Variants in CCDC77 observed in about 807,000 individuals in gnomAD.
The protein encoded by CCDC77 is coiled-coil domain containing 77.
A neutral mutation model predicts 66.8 loss-of-function variants in CCDC77; 56 were observed. The ratio of observed to expected loss-of-function variants is 0.84; its 90% CI spans 0.68 to 1.05. CCDC77 has a LOEUF of 1.05. Among genes scored for constraint, CCDC77 ranks in the 50% least tolerant of loss-of-function variants. The pLI, the probability that CCDC77 is intolerant of heterozygous loss-of-function variation, is 0.00. For synonymous variants in CCDC77, 196 were observed against 195.2 expected (o/e 1.00, Z -0.03); for missense variants, 570 against 576.8 (o/e 0.99, Z 0.12).
At chr12:405,456 T>A (rs539045083) in intron 1 of CCDC77, 55 bp from the exon 2 acceptor site, 15 of 152,330 alleles carry the variant, frequency 9.8e-5, no homozygotes, top group African/African-American at 2.4e-4. Context: ...GCTGCTTTTT[T>A]AAAAAAATGT....
At chr12:418,909 C>T (rs974996157) in intron 5 of CCDC77, 8 of 336,498 alleles carry the variant, frequency 2.4e-5, no homozygotes, top group Admixed American at 1.8e-4. Flanking sequence ...CTGTCAGCCA[C>T]GCTGGTCTCG....
At chr12:416,337 GT>G in intron 4 of CCDC77, among the ~76,000 whole-genome samples, 1 of 45,190 alleles carries the variant, frequency 2.2e-5, no homozygotes, top group Non-Finnish European at 4.0e-5. Flanking sequence ...GTCTGTGGGT[GT>G]GTGGGGGTGT....
chr12:423,474 TTTG>T (rs1304568157), intron 5 of CCDC77, among the ~76,000 whole-genome samples: 26 of 31,296 alleles, frequency 8.3e-4, no homozygotes, highest in African/African-American at 3.5e-3. Flanking sequence ...TTTTGTGTTT[TTTG>T]TGTTTTTTTT....
chr12:425,106 T>C (rs990475823), intron 5 of CCDC77, among the ~76,000 whole-genome samples: 3 of 151,580 alleles, frequency 2.0e-5, no homozygotes, highest in Non-Finnish European at 2.9e-5. Context: ...AATTTTTGTA[T>C]TTTTTGTAGA....
intron 4 of CCDC77, among the ~76,000 whole-genome samples, chr12:415,543 T>C (rs1165987720): frequency 6.7e-6 from 1 of 149,060 alleles, no homozygotes; most frequent in Non-Finnish European, 1.5e-5. Context: ...AACATAATAA[T>C]ATGTTGATAT....
chr12:408,250 G>C (rs1945037138), intron 2 of CCDC77, among the ~76,000 whole-genome samples: 1 of 152,112 alleles, frequency 6.6e-6, no homozygotes, highest in African/African-American at 2.4e-5. Flanking sequence ...TTCTGTCTCT[G>C]TCAATCATAT....
intron 4 of CCDC77, 102 bp downstream of exon 4, chr12:412,080 A>C: frequency 1.1e-6 from 1 of 877,232 alleles, no homozygotes; most frequent in East Asian, 2.6e-5. Flanking sequence ...GTTTTATAAA[A>C]ATACTCCTTT....
intron 7 of CCDC77, among the ~76,000 whole-genome samples, chr12:431,011 C>T (rs572119958): frequency 1.5e-5 from 2 of 132,294 alleles, no homozygotes; most frequent in East Asian, 2.4e-4. Flanking sequence ...ACCTGGGAGG[C>T]GGAGGTTGCA....
At chr12:413,198 A>C (rs1945148577) in intron 4 of CCDC77, among the ~76,000 whole-genome samples, 1 of 150,644 alleles carries the variant, frequency 6.6e-6, no homozygotes, top group South Asian at 2.1e-4. Flanking sequence ...TCGGCCTCCC[A>C]AAGTGCTGGG....
chr12:409,454 A>C, intron 3 of CCDC77, 33 bp downstream of exon 3: 2 of 1,591,550 alleles, frequency 1.3e-6, no homozygotes, highest in Non-Finnish European at 1.7e-6. Flanking sequence ...AGTTGTTAAG[A>C]AATCGAGACT....
At chr12:400,423 C>T (rs1023016574), upstream of CCDC77, among the ~76,000 whole-genome samples, 3 of 152,242 alleles carry the variant, frequency 2.0e-5, no homozygotes, top group Non-Finnish European at 4.4e-5. Context: ...GGCTTTCATC[C>T]TGTCTTGGCT....
At chr12:390,937 G>C (rs964036619) in intron 1 of CCDC77, among the ~76,000 whole-genome samples, 3 of 152,142 alleles carry the variant, frequency 2.0e-5, no homozygotes, top group Non-Finnish European at 4.4e-5. Flanking sequence ...GGTGGTCTTA[G>C]CATTCTAAGA....
intron 1 of CCDC77, among the ~76,000 whole-genome samples, chr12:394,971 G>A (rs1944807273): frequency 6.6e-6 from 1 of 152,180 alleles, no homozygotes; most frequent in African/African-American, 2.4e-5. Context: ...ATAAGCACAA[G>A]CTAATAAATA....
rs542031152 is a variant in CCDC77, at chr12:442,161, C to T, written c.*241C>T. On this transcript the variant is annotated 3_prime_UTR_variant, in exon 13 of 13. Coordinates refer to ENST00000239830, the MANE Select transcript of CCDC77 (RefSeq NM_032358.4). Reference sequence around the variant, plus strand: ...GGAGTAGGGGCCTGGTCCTGAATGACTTGGAGGCTTTCATTATTTATCCTG... The same window carrying T: ...GGAGTAGGGGCCTGGTCCTGAATGATTTGGAGGCTTTCATTATTTATCCTG... 243 of 444,008 alleles carry T rather than the reference C, an allele frequency of 5.5e-4. 2 individuals carry two copies. In the South Asian group the frequency reaches 8.2e-3, roughly 15 times the overall value. The allele number at this position is 444,008 out of a possible 1,614,324, so 27.5% of individuals were successfully genotyped here.
At position 433,203 on chromosome 12, in the gene CCDC77, G is replaced by A; in HGVS notation, c.702G>A (p.Glu234=). The A allele has an allele frequency of 1.2e-6, 2 of 1,613,934 alleles. No individual in the cohort carries two copies. Among genetic ancestry groups the A allele is most frequent in the Non-Finnish European group, 1.7e-6 (2 of 1,179,924 alleles). Residue 234 remains glutamate, a synonymous_variant, in exon 9 of 13, where the codon GAG becomes GAA. Transcript: ENST00000239830. ...QVEALQAQLG[E]QTKLSREQIE... is the part of the protein sequence containing the mutation. Reference sequence around the variant, plus strand: ...AAGCACTGCAGGCTCAGCTGGGAGAGCAGACCAAACTTTCTCGAGAACAAA... The same window carrying A: ...AAGCACTGCAGGCTCAGCTGGGAGAACAGACCAAACTTTCTCGAGAACAAA...
rs575813668 is a variant in CCDC77, at chr12:439,790, AAAG to A, written c.1042-824_1042-822del. Among the ~76,000 whole-genome samples, 493 of 133,982 alleles carry A rather than the reference AAAG, an allele frequency of 3.7e-3. 3 individuals carry two copies. The highest frequency in any genetic ancestry group is 0.016 in the African/African-American group (469 of 29,910). 87.9% of individuals were successfully genotyped at this position (133,982 alleles called of 152,430 possible). A position where few individuals can be genotyped will look rare whatever the true frequency, so the allele number is the denominator to read the frequency against. ...CAAGGACTCCGTCTCAGAAAAAAAA[AAAG>A]AAAAAATTATAGATTATAAAATGCG... On this transcript the variant is annotated intron_variant, in intron 10 of 12. Coordinates refer to ENST00000239830, the MANE Select transcript of CCDC77 (RefSeq NM_032358.4).
intron 2 of CCDC77, among the ~76,000 whole-genome samples, chr12:408,649 G>A (rs1054376825): frequency 2.6e-5 from 4 of 152,018 alleles, no homozygotes; most frequent in Non-Finnish European, 5.9e-5. Flanking sequence ...CTATAGGTAC[G>A]GGCCACTGCA....
chr12:428,941 T>C (rs183315052), intron 6 of CCDC77, 76 bp downstream of exon 6: 177 of 857,256 alleles, frequency 2.1e-4, no homozygotes, highest in South Asian at 8.1e-4. Flanking sequence ...AGAAGAACTT[T>C]AGTATCCGCT....
upstream of CCDC77, among the ~76,000 whole-genome samples, chr12:399,166 T>A (rs1944865311): frequency 6.6e-6 from 1 of 150,508 alleles, no homozygotes; most frequent in African/African-American, 2.5e-5. Context: ...AGCTATAGCC[T>A]TATGAAATAT....
Sources: allele counts gnomAD v4.1 joint callset (sites outside exome capture counted in the v4.1 genomes callset), GRCh38; gene constraint gnomAD v4.1.1; transcripts MANE v1.5; gene names NCBI Gene and HGNC (gene_info 2026-07-23, HGNC 2026-07-21).